CUL9: variants seen among roughly 807,000 people sequenced by gnomAD.
The protein encoded by CUL9 is cullin 9.
In CUL9, 79 loss-of-function variants were observed where a neutral mutation model predicts 272.6. That is an observed-to-expected ratio of 0.29 (90% CI 0.24 to 0.35). CUL9 has a LOEUF of 0.35. CUL9 is among the 10% of genes least tolerant of loss of function. The probability of loss-of-function intolerance (pLI) is 1.00; values close to 1 mark genes in which losing one functional copy is unlikely to be tolerated. For missense variants in CUL9, 2,532 were observed against 3,255.6 expected, an observed-to-expected ratio of 0.78 and a Z score of 5.41; for synonymous variants, 1,186 against 1,286.5, an observed-to-expected ratio of 0.92 and a Z score of 1.67.
At chr6:43,202,882 G>T (rs1383325499) in intron 17 of CUL9, 61 bp downstream of exon 17, 3 of 1,495,392 alleles carry the variant, frequency 2.0e-6, no homozygotes, top group Non-Finnish European at 2.8e-6. Context: ...CCCAGTGCCT[G>T]TGGGAAGGAC....
chr6:43,198,574 A>G (rs780620484), intron 11 of CUL9, 35 bp from the exon 12 acceptor site: 3 of 1,608,522 alleles, frequency 1.9e-6, no homozygotes, highest in South Asian at 2.2e-5. Flanking sequence ...AAGACTCTTC[A>G]TCCACATTTT....
chr6:43,188,584 G>A lies in CUL9; in HGVS notation c.2049G>A (p.Ala683=), dbSNP rs142912012. 8.9e-4 allele frequency: 1,442 copies of A among 1,614,150 alleles called. 16 individuals are homozygous for A. In the African/African-American group the frequency reaches 0.016, roughly 18 times the overall value. The change falls in exon 8 of 41, where the codon GCG becomes GCA. Residue 683 remains alanine (A), a synonymous_variant. Transcript: ENST00000252050. ...PRSSLDQHVA[A]VVATVQISSL... is the part of the protein sequence containing the mutation. ...GCTCCCTGGATCAGCATGTGGCAGC[G>A]GTCGTGGCCACTGTGCAGATATCCA...
At position 43,188,705 on chromosome 6, in the gene CUL9, A is replaced by G; in HGVS notation, c.2170A>G (p.Arg724Gly). The G allele has an allele frequency of 6.2e-7, 1 of 1,609,620 alleles. No individual in the cohort carries two copies. The highest frequency in any genetic ancestry group is 8.5e-7 in the Non-Finnish European group (1 of 1,178,218). Residue 724 changes from arginine (R) to glycine (G), a missense_variant, in exon 8 of 41, where the codon AGA (arginine) becomes GGA (glycine). This residue lies in a region of CUL9 where 2,218 missense variants were observed against 2,788.6 expected (regional missense o/e 0.80). Transcript: ENST00000252050. ...GGACCACCCTCTGGTCCGTCCTGACAGATCGCTGAGGTTAGCATACTGGGG... is the reference window on the plus strand; with the variant it reads ...GGACCACCCTCTGGTCCGTCCTGACGGATCGCTGAGGTTAGCATACTGGGG... ...ERDHPLVRPD[R>G]SLREKLVKML...
In CUL9 at chr6:43,186,263, C is replaced by T. The variant is rs1242417075; in HGVS notation, c.1059C>T (p.Val353=). The T allele has an allele frequency of 1.9e-6, 3 of 1,614,250 alleles. No homozygotes were observed. In the Admixed American group the frequency reaches 5.0e-5, roughly 27 times the overall value. ...CCAGCCTTTTACTCCCCACCATTGT[C>T]ACCACCCCCAGAAGACAAGGGTGGG... ...SGPSLLLPTI[V]TTPRRQGWVF... is the part of the protein sequence containing the mutation. Residue 353 remains valine, a synonymous_variant, in exon 4 of 41, where the codon GTC becomes GTT. Transcript: ENST00000252050.
At position 43,216,262 on chromosome 6, in the gene CUL9, A is replaced by G. The variant is rs766368967; in HGVS notation, c.6041A>G (p.Gln2014Arg). 2 of 1,613,918 alleles carry G rather than the reference A, an allele frequency of 1.2e-6. No individual in the cohort carries two copies. Among genetic ancestry groups the G allele is most frequent in the Admixed American group, 3.3e-5 (2 of 59,992 alleles). ...GLMKQTVRQV[Q>R]ETLNLEPDVA... The stretch of plus-strand genomic sequence containing the variant: ...ATGAAGCAGACGGTGCGTCAGGTGC[A>G]GGAGACGCTGAACTTAGAGCCAGAT... Residue 2014 changes from glutamine to arginine, a missense_variant, in exon 31 of 41, where the codon CAG becomes CGG. By Grantham distance (43) the Gln-to-Arg change is conservative. Transcript: ENST00000252050.
Position 43,221,423 on chromosome 6 carries a change from G to T in CUL9, c.6752+102G>T. ...CTTAGTGTAAAGCTCAGCAAAAGAG[G>T]GTGGTTCCTCAGCCGCCCCTCACGT... On this transcript the variant is annotated intron_variant, in intron 34 of 40. Coordinates refer to ENST00000252050, the MANE Select transcript of CUL9 (RefSeq NM_015089.4). The surrounding 1 kb of genome is among the most constrained non-coding windows in gnomAD (Gnocchi z 4.2). 1 of 1,389,528 alleles carries T rather than the reference G, an allele frequency of 7.2e-7. No individual in the cohort carries two copies. The highest frequency in any genetic ancestry group is 9.6e-7 in the Non-Finnish European group (1 of 1,042,436). 86.1% of individuals were successfully genotyped at this position (1,389,528 alleles called of 1,614,324 possible).
At chr6:43,191,954 C>T (rs545861242) in intron 8 of CUL9, among the ~76,000 whole-genome samples, 33 of 149,908 alleles carry the variant, frequency 2.2e-4, no homozygotes, top group Non-Finnish European at 4.1e-4. Flanking sequence ...TATCTCTCTT[C>T]TCATCTATTG....
At chr6:43,205,539 G>T in intron 24 of CUL9, 116 bp downstream of exon 24, 1 of 1,247,546 alleles carries the variant, frequency 8.0e-7, no homozygotes. Flanking sequence ...ATTAAGATGT[G>T]GAGATGGCTG....
At chr6:43,191,343 C>CA (rs1224963934) in intron 8 of CUL9, among the ~76,000 whole-genome samples, 1 of 149,090 alleles carries the variant, frequency 6.7e-6, no homozygotes, top group Non-Finnish European at 1.5e-5. Flanking sequence ...GACAGGGTCT[C>CA]AGTCTGTTGA....
rs1482464621 is a variant in CUL9, at chr6:43,186,116, G to A, written c.912G>A (p.Met304Ile). Residue 304 changes from methionine to isoleucine, a missense_variant, in exon 4 of 41, where the codon ATG becomes ATA. Met to Ile is a conservative substitution (Grantham distance 10). Transcript: ENST00000252050. Reference protein sequence around the residue: ...SRGQRELEFSMAVGNLISELV... With the variant: ...SRGQRELEFSIAVGNLISELV... ...GACAGCGGGAACTGGAGTTCAGCAT[G>A]GCTGTGGGCAACCTCATCTCTGAGC... The A allele has an allele frequency of 6.2e-7, 1 of 1,614,130 alleles. No individual in the cohort carries two copies. The highest frequency in any genetic ancestry group is 1.3e-5 in the African/African-American group (1 of 74,938).
In CUL9 at chr6:43,205,942, C is replaced by T. The variant is rs1775010519; in HGVS notation, c.4794-65C>T. 26 of 1,430,512 alleles carry T rather than the reference C, an allele frequency of 1.8e-5. No individual in the cohort carries two copies. In the South Asian group the frequency reaches 2.2e-4, roughly 12 times the overall value. The allele number at this position is 1,430,512 out of a possible 1,614,324, so 88.6% of individuals were successfully genotyped here. On this transcript the variant is annotated intron_variant, in intron 24 of 40. Coordinates refer to ENST00000252050, the MANE Select transcript of CUL9 (RefSeq NM_015089.4). ...AGAGGGACAGAGGGACCTACATTCTCGAGGGGGAGGCTGGGCCACGCTGGC... is the reference window on the plus strand; with the variant it reads ...AGAGGGACAGAGGGACCTACATTCTTGAGGGGGAGGCTGGGCCACGCTGGC...
intron 20 of CUL9, 132 bp downstream of exon 20, chr6:43,204,119 C>G (rs1336493308): frequency 8.1e-7 from 1 of 1,232,614 alleles, no homozygotes; most frequent in Admixed American, 2.8e-5. Flanking sequence ...GTGTTCCTCT[C>G]TCCTTCCTGC....
intron 3 of CUL9, 37 bp from the exon 4 acceptor site, chr6:43,185,918 G>A: frequency 6.4e-7 from 1 of 1,556,206 alleles, no homozygotes; most frequent in South Asian, 1.2e-5. Flanking sequence ...CTAAAGCCAG[G>A]AAGAGATGAA....
Position 43,216,526 on chromosome 6 carries a change from C to T in CUL9, c.6282+23C>T, listed in dbSNP as rs369486036. ...AAGGTGAGGCCCCACCAGCATTGCT[C>T]CTGCCCCTGGCTTTCTGCCCTACCC... On this transcript the variant is annotated intron_variant, in intron 31 of 40. Coordinates refer to ENST00000252050, the MANE Select transcript of CUL9 (RefSeq NM_015089.4). 45 of 1,555,762 alleles carry T rather than the reference C, an allele frequency of 2.9e-5. No homozygotes were observed. The African/African-American group carries it at 4.9e-4, about 17-fold the overall frequency.
At chr6:43,191,498 T>TTTTTTTTC (rs1773494978) in intron 8 of CUL9, among the ~76,000 whole-genome samples, 1 of 146,100 alleles carries the variant, frequency 6.8e-6, no homozygotes, top group African/African-American at 2.6e-5. Flanking sequence ...TTTTTTTTTT[T>TTTTTTTTC]TTTTTTTACT....
In CUL9 at chr6:43,223,316, G is replaced by A. The variant is rs754481344; in HGVS notation, c.7203G>A (p.Arg2401=). 1 of 1,601,372 alleles carries A rather than the reference G, an allele frequency of 6.2e-7. No homozygotes were observed. The highest frequency in any genetic ancestry group is 2.2e-5 in the East Asian group (1 of 44,470). Residue 2401 remains arginine, a synonymous_variant, in exon 39 of 41, where the codon CGG becomes CGA. Transcript: ENST00000252050. This position sits in a 1 kb window ranked among gnomAD's most constrained non-coding sequence, Gnocchi z 4.1. The stretch of plus-strand genomic sequence containing the variant: ...TGGCCTCCTCCCTGCGCCTCCTGCG[G>A]GCCGACTGCCTCAGCACGGGCATGG... ...RDLASSLRLL[R]ADCLSTGMEL...
At position 43,205,017 on chromosome 6, in the gene CUL9, G is replaced by C. The variant is rs1454338728; in HGVS notation, c.4534G>C (p.Gly1512Arg). 1 of 1,613,334 alleles carries C rather than the reference G, an allele frequency of 6.2e-7. No individual in the cohort carries two copies. The highest frequency in any genetic ancestry group is 1.3e-5 in the African/African-American group (1 of 74,932). Residue 1512 changes from glycine to arginine, a missense_variant, in exon 23 of 41, where the codon GGC becomes CGC. This residue lies in a region of CUL9 where 2,218 missense variants were observed against 2,788.6 expected (regional missense o/e 0.80). Coordinates refer to ENST00000252050, the MANE Select transcript of CUL9 (RefSeq NM_015089.4). The stretch of plus-strand genomic sequence containing the variant: ...ACTCTATGAGCACTTGCAGAGAGCA[G>C]GCTCCGAGCTGTTTGGGCCTCGGGC... Reference protein sequence around the residue: ...CKLYEHLQRAGSELFGPRAAF... With the variant: ...CKLYEHLQRARSELFGPRAAF...
intron 35 of CUL9, 73 bp from the exon 36 acceptor site, chr6:43,222,243 T>C (rs1186299678): frequency 8.1e-7 from 1 of 1,238,366 alleles, no homozygotes; most frequent in African/African-American, 1.5e-5. Context: ...CCGTGAATGT[T>C]GGCTTTTCCA....
intron 20 of CUL9, 74 bp from the exon 21 acceptor site, chr6:43,204,286 T>C: frequency 6.5e-7 from 1 of 1,545,234 alleles, no homozygotes; most frequent in Non-Finnish European, 8.9e-7. Context: ...AATTGATCTT[T>C]CTCCCTCCTC....
Sources: allele counts gnomAD v4.1 joint callset (sites outside exome capture counted in the v4.1 genomes callset), GRCh38; gene constraint gnomAD v4.1.1; regional missense constraint gnomAD v4.1.1; non-coding constraint Gnocchi (gnomAD v3.1); transcripts MANE v1.5; gene names NCBI Gene and HGNC (gene_info 2026-07-23, HGNC 2026-07-21).